STK33: variants seen among roughly 807,000 people sequenced by gnomAD.
The protein encoded by STK33 is serine/threonine kinase 33, also known as serine/threonine-protein kinase 33.
STK33 carries 52 observed loss-of-function variants against 58.0 expected under a neutral mutation model. That is an observed-to-expected ratio of 0.90 (90% CI 0.72 to 1.13). The LOEUF (loss-of-function observed/expected upper bound fraction) is 1.13. Ranked by LOEUF, STK33 falls within the 50% of genes most tolerant of loss-of-function variation. The pLI is 0.00. For missense variants in STK33, 630 were observed against 604.2 expected (o/e 1.04, Z -0.45); for synonymous variants, 215 against 200.1 (o/e 1.07, Z -0.63).
At chr11:8,406,562 GGTTTTGGTATAAAT>G (rs1939249028) in intron 15 of STK33, among the ~76,000 whole-genome samples, 1 of 152,036 alleles carries the variant, frequency 6.6e-6, no homozygotes, top group African/African-American at 2.4e-5. Context: ...AGCATTTCAT[GGTTTTGGTATAAAT>G]ATTTTGCATA....
At chr11:8,536,644 T>C (rs1307452413) in intron 1 of STK33, among the ~76,000 whole-genome samples, 1 of 152,252 alleles carries the variant, frequency 6.6e-6, no homozygotes, top group Non-Finnish European at 1.5e-5. Flanking sequence ...AGTCTGAACC[T>C]AAATGCTAGT....
the STK33 span, among the ~76,000 whole-genome samples, chr11:8,358,192 C>T: frequency 6.6e-6 from 1 of 152,238 alleles, no homozygotes; most frequent in African/African-American, 2.4e-5. Context: ...CAGAGCCGGG[C>T]TGAACCCTGC....
rs759631232 is a variant in STK33 at position 8,474,791 on chromosome 11, C to T, written c.115G>A (p.Val39Met). The T allele has an allele frequency of 1.9e-6, 3 of 1,613,358 alleles. No individual in the cohort carries two copies. The highest frequency in any genetic ancestry group is 2.5e-6 in the Non-Finnish European group (3 of 1,179,710). The change falls in exon 5 of 16, where the codon GTG (valine) becomes ATG (methionine). Residue 39 changes from valine (V) to methionine (M), a missense_variant. Physicochemically the swap from Val to Met is conservative, Grantham distance 21. Transcript: ENST00000687296. ...CTTGATGTCTGTGACATTTCCACCA[C>T]CAAAACTGGAGGAACCCTTGTTTTG... Reference protein sequence around the residue: ...SSKTRVPPVLVVEMSQTSSIG... With the variant: ...SSKTRVPPVLMVEMSQTSSIG...
chr11:8,400,525 C>A (rs1937652195), intron 15 of STK33, among the ~76,000 whole-genome samples: 1 of 152,128 alleles, frequency 6.6e-6, no homozygotes, highest in African/African-American at 2.4e-5. Context: ...AATGAATGGG[C>A]AAAAACTGGA....
At chr11:8,515,358 T>G (rs1431926702) in intron 1 of STK33, among the ~76,000 whole-genome samples, 1 of 151,990 alleles carries the variant, frequency 6.6e-6, no homozygotes, top group African/African-American at 2.4e-5. Flanking sequence ...CCAAGATAAA[T>G]TCAAGAAACA....
chr11:8,398,298 G>A (rs553348782), intron 15 of STK33, among the ~76,000 whole-genome samples: 489 of 152,274 alleles, frequency 3.2e-3, no homozygotes, highest in African/African-American at 0.01. Flanking sequence ...GACAGTGGGG[G>A]CCAATATTCA....
chr11:8,466,181 A>G (rs900439604), intron 6 of STK33: 4 of 152,186 alleles, frequency 2.6e-5, no homozygotes, highest in Non-Finnish European at 5.9e-5. Context: ...CCCAAATCAC[A>G]TATGTTCACA....
chr11:8,577,606 A>G (rs953678922), intron 1 of STK33, among the ~76,000 whole-genome samples: 1 of 152,112 alleles, frequency 6.6e-6, no homozygotes, highest in Admixed American at 6.6e-5. Flanking sequence ...TCACTCCTGG[A>G]CATAGTAATT....
chr11:8,338,412 C>T, the STK33 span, among the ~76,000 whole-genome samples: 9 of 152,172 alleles, frequency 5.9e-5, no homozygotes, highest in African/African-American at 1.2e-4. Context: ...ATGTCCAGGA[C>T]GATGTCTCTG....
chr11:8,527,164 C>T (rs983723419), intron 1 of STK33, among the ~76,000 whole-genome samples: 6 of 151,860 alleles, frequency 4.0e-5, no homozygotes, highest in African/African-American at 9.7e-5. Flanking sequence ...TAGGAACGGA[C>T]GGGTTTTCAC....
At chr11:8,355,688 C>G in the STK33 span, among the ~76,000 whole-genome samples, 3 of 152,232 alleles carry the variant, frequency 2.0e-5, no homozygotes, top group Admixed American at 1.3e-4. Context: ...CACTTACCAA[C>G]AGGCCACTAA....
intron 1 of STK33, among the ~76,000 whole-genome samples, chr11:8,523,859 C>A (rs375798974): frequency 2.0e-5 from 3 of 152,112 alleles, no homozygotes; most frequent in Non-Finnish European, 2.9e-5. Context: ...ATGACGATGG[C>A]GGTTTTGTCG....
At chr11:8,370,776 C>A in the STK33 span, among the ~76,000 whole-genome samples, 3 of 152,190 alleles carry the variant, frequency 2.0e-5, no homozygotes, top group African/African-American at 4.8e-5. Context: ...CAAGGCACTG[C>A]CAACCTAGGC....
chr11:8,371,744 CCT>C, the STK33 span, among the ~76,000 whole-genome samples: 31,849 of 140,310 alleles, frequency 0.23, 4,628 homozygotes, highest in East Asian at 0.38. Context: ...TCCCTCCCTC[CCT>C]CTCTCCCTCC....
chr11:8,337,705 G>A, the STK33 span, among the ~76,000 whole-genome samples: 6 of 151,548 alleles, frequency 4.0e-5, no homozygotes, highest in Non-Finnish European at 7.4e-5. Flanking sequence ...ACCGTTTCTC[G>A]TCTACCGCTC....
intron 1 of STK33, among the ~76,000 whole-genome samples, chr11:8,505,093 G>T (rs963005819): frequency 1.3e-5 from 2 of 152,120 alleles, no homozygotes; most frequent in African/African-American, 4.8e-5. Context: ...TTCTGGAAAG[G>T]TGATTGCTAA....
intron 1 of STK33, among the ~76,000 whole-genome samples, chr11:8,531,335 A>C (rs1954531808): frequency 6.6e-6 from 1 of 152,248 alleles, no homozygotes; most frequent in South Asian, 2.1e-4. Flanking sequence ...TGCTATTTAC[A>C]AATGCTGCAT....
chr11:8,443,940 G>A (rs1483049232), intron 11 of STK33, among the ~76,000 whole-genome samples: 3 of 152,164 alleles, frequency 2.0e-5, no homozygotes, highest in African/African-American at 7.2e-5. Context: ...CTAGGAGGCT[G>A]AGGCTGCAGT....
chr11:8,439,529 G>T (rs1281842489), intron 12 of STK33, among the ~76,000 whole-genome samples: 2 of 151,952 alleles, frequency 1.3e-5, no homozygotes, highest in African/African-American at 4.8e-5. Flanking sequence ...GCTATGGTGG[G>T]GTAAAGTAGG....
Sources: allele counts gnomAD v4.1 joint callset (sites outside exome capture counted in the v4.1 genomes callset), GRCh38; gene constraint gnomAD v4.1.1; transcripts MANE v1.5; gene names NCBI Gene and HGNC (gene_info 2026-07-23, HGNC 2026-07-21).